The following MUC20 variants were observed in gnomAD, a reference collection of about 807,000 sequenced individuals.
MUC20 encodes the protein mucin 20, cell surface associated.
In MUC20, 14 loss-of-function variants were observed where a neutral mutation model predicts 23.8. That is an observed-to-expected ratio of 0.59 (90% CI 0.39 to 0.92). The LOEUF is 0.92. Ranked by LOEUF, MUC20 falls within the 40% of genes least tolerant of loss-of-function variation. MUC20 has a pLI of 0.00. For missense variants in MUC20, 375 were observed against 668.8 expected, an observed-to-expected ratio of 0.56 and a Z score of 4.85; for synonymous variants, 166 against 279.3, an observed-to-expected ratio of 0.59 and a Z score of 4.04.
At chr3:195,724,239 CT>C in intron 1 of MUC20, 1 of 84,306 alleles carries the variant, frequency 1.2e-5, no homozygotes. Flanking sequence ...CCTTTCTCGT[CT>C]TTTAAGGGTT....
chr3:195,726,120 C>G lies in MUC20; in HGVS notation c.1517C>G (p.Thr506Arg). 1 of 1,586,164 alleles carries G rather than the reference C, an allele frequency of 6.3e-7. No homozygotes were observed. The highest frequency in any genetic ancestry group is 8.6e-7 in the Non-Finnish European group (1 of 1,162,478). ...ACCCCACTCCCCACTAACAGCGCCA[C>G]AGAAAGAGAAGTGACAGCACCCGGG... ...VGTPLPTNSATEREVTAPGAT... is the reference protein window; with the variant it reads ...VGTPLPTNSAREREVTAPGAT... The change falls in exon 2 of 4, where the codon ACA (threonine) becomes AGA (arginine). Residue 506 changes from threonine to arginine, a missense_variant. By Grantham distance (71) the Thr-to-Arg change is moderately conservative. Around this residue, in one of 4 missense-constraint regions of MUC20, gnomAD observed 343 missense variants for 340.2 expected, o/e 1.01. Coordinates refer to ENST00000447234, the MANE Select transcript of MUC20 (RefSeq NM_001282506.2).
rs1712707056 is a variant in MUC20, at chr3:195,726,574, T to TG, written c.1969+2_1969+3insG. 6.2e-7 allele frequency: 1 copy of TG among 1,605,394 alleles called. No individual in the cohort carries two copies. The highest frequency in any genetic ancestry group is 1.7e-5 in the Admixed American group (1 of 59,458). ...GGCCGACCACAGACGTGAGTGCAGGTAAGTGGCTCCTGCTGGTGATCTTCG... is the reference window on the plus strand; with the variant it reads ...GGCCGACCACAGACGTGAGTGCAGGTGAAGTGGCTCCTGCTGGTGATCTTCG... On this transcript the variant is annotated splice_region_variant and intron_variant, in intron 2 of 3. Coordinates refer to ENST00000447234, the MANE Select transcript of MUC20 (RefSeq NM_001282506.2).
chr3:195,728,009 C>T (rs1464887128), intron 2 of MUC20, among the ~76,000 whole-genome samples: 2 of 152,290 alleles, frequency 1.3e-5, no homozygotes, highest in African/African-American at 4.8e-5. Flanking sequence ...ATGTTATCTC[C>T]TCTATTTAAC....
intron 2 of MUC20, among the ~76,000 whole-genome samples, chr3:195,727,730 G>A (rs763962815): frequency 3.3e-5 from 5 of 152,284 alleles, no homozygotes; most frequent in African/African-American, 9.6e-5. Context: ...CGTTCTCTCC[G>A]GTGCCAGGCA....
At chr3:195,732,122 A>G (rs920252639) in intron 3 of MUC20, among the ~76,000 whole-genome samples, 8 of 152,020 alleles carry the variant, frequency 5.3e-5, no homozygotes, top group African/African-American at 1.9e-4. Flanking sequence ...TCCTGCCTCA[A>G]CCTTCTGAGT....
chr3:195,733,396 A>T lies in MUC20; in HGVS notation c.*178A>T. 2 of 1,458,870 alleles carry T rather than the reference A, an allele frequency of 1.4e-6. No homozygotes were observed. The highest frequency in any genetic ancestry group is 2.8e-5 in the African/African-American group (2 of 71,068). 90.4% of individuals were successfully genotyped at this position (1,458,870 alleles called of 1,614,324 possible). A position where few individuals can be genotyped will look rare whatever the true frequency, so the allele number is the denominator to read the frequency against. ...AGATGTGGCAACAGGACCCTCGCTC[A>T]CATCCACCGGAGTGTATGTGTGGGG... On this transcript the variant is annotated 3_prime_UTR_variant, in exon 4 of 4. Transcript: ENST00000447234.
At chr3:195,727,313 T>C (rs145734839) in intron 2 of MUC20, among the ~76,000 whole-genome samples, 6,067 of 151,312 alleles carry the variant, frequency 0.04, 61 homozygotes, top group African/African-American at 0.14. Context: ...GGCAGGAGAA[T>C]CACTTGAACC....
At chr3:195,733,065 C>T (rs1713560546) in intron 3 of MUC20, 85 bp from the exon 4 acceptor site, 15 of 1,432,764 alleles carry the variant, frequency 1.0e-5, no homozygotes, top group Middle Eastern at 1.8e-4. Flanking sequence ...ATGCACTCTG[C>T]CCCAGTGTCC....
At chr3:195,722,155 A>G (rs1488849712) in intron 1 of MUC20, 1 of 605,768 alleles carries the variant, frequency 1.7e-6, no homozygotes. Context: ...TTGATGCATC[A>G]TTATCATACA....
intron 3 of MUC20, 51 bp downstream of exon 3, chr3:195,729,790 C>A: frequency 6.6e-7 from 1 of 1,508,440 alleles, no homozygotes; most frequent in Non-Finnish European, 9.0e-7. Context: ...GCGAGGTTCG[C>A]AGGGGCTGCA....
Position 195,733,418 on chromosome 3 carries a change from G to A in MUC20, c.*200G>A, listed in dbSNP as rs150193400. 16 of 1,437,906 alleles carry A rather than the reference G, an allele frequency of 1.1e-5. No individual in the cohort carries two copies. Among genetic ancestry groups the A allele is most frequent in the Admixed American group, 1.1e-4 (4 of 36,176 alleles). 89.1% of individuals were successfully genotyped at this position (1,437,906 alleles called of 1,614,324 possible). On this transcript the variant is annotated 3_prime_UTR_variant, in exon 4 of 4. Transcript: ENST00000447234. ...CTCACATCCACCGGAGTGTATGTGT[G>A]GGGAGGGGCTTCACCTGTTCCCAGA...
At chr3:195,731,380 G>A (rs1186366028) in intron 3 of MUC20, among the ~76,000 whole-genome samples, 3 of 152,252 alleles carry the variant, frequency 2.0e-5, no homozygotes, top group Non-Finnish European at 4.4e-5. Flanking sequence ...AGGGAAGCAA[G>A]ATATGTCCGT....
intron 3 of MUC20, among the ~76,000 whole-genome samples, chr3:195,730,789 C>A (rs762956497): frequency 2.0e-5 from 3 of 152,224 alleles, no homozygotes; most frequent in South Asian, 2.1e-4. Context: ...GCAGAAAAAA[C>A]CGCAGAGATG....
In MUC20 at chr3:195,733,412, A is replaced by G; in HGVS notation, c.*194A>G. 5 of 1,444,568 alleles carry G rather than the reference A, an allele frequency of 3.5e-6. No homozygotes were observed. Among genetic ancestry groups the G allele is most frequent in the Non-Finnish European group, 4.5e-6 (5 of 1,102,042 alleles). The allele number at this position is 1,444,568 out of a possible 1,614,324, so 89.5% of individuals were successfully genotyped here. On this transcript the variant is annotated 3_prime_UTR_variant, in exon 4 of 4. Coordinates refer to ENST00000447234, the MANE Select transcript of MUC20 (RefSeq NM_001282506.2). The stretch of plus-strand genomic sequence containing the variant: ...CCCTCGCTCACATCCACCGGAGTGT[A>G]TGTGTGGGGAGGGGCTTCACCTGTT...
intron 1 of MUC20, among the ~76,000 whole-genome samples, chr3:195,723,341 T>A (rs62285128): frequency 1.0e-5 from 1 of 95,856 alleles, no homozygotes; most frequent in Non-Finnish European, 2.1e-5. Context: ...CCAGTGGAGC[T>A]GGGTAAAGAC....
At chr3:195,732,864 C>G (rs774510106) in intron 3 of MUC20, among the ~76,000 whole-genome samples, 3 of 152,270 alleles carry the variant, frequency 2.0e-5, no homozygotes, top group Non-Finnish European at 4.4e-5. Flanking sequence ...CCAGCTAGAT[C>G]TGGGTGTGAA....
At chr3:195,730,630 A>G (rs1713295281) in intron 3 of MUC20, among the ~76,000 whole-genome samples, 1 of 152,116 alleles carries the variant, frequency 6.6e-6, no homozygotes, top group South Asian at 2.1e-4. Flanking sequence ...GATTACAGAC[A>G]TGAGCCACCG....
chr3:195,727,766 A>T (rs1257800043), intron 2 of MUC20, among the ~76,000 whole-genome samples: 1 of 152,074 alleles, frequency 6.6e-6, no homozygotes, highest in Non-Finnish European at 1.5e-5. Flanking sequence ...TGCATATGTT[A>T]TCTGATGCCA....
In MUC20 at chr3:195,729,811, G is replaced by A. The variant is rs376718558; in HGVS notation, c.2061+72G>A. 2.6e-5 allele frequency: 36 copies of A among 1,401,858 alleles called. No homozygotes were observed. In the Admixed American group the frequency reaches 3.0e-4, roughly 12 times the overall value. The allele number at this position is 1,401,858 out of a possible 1,614,324, so 86.8% of individuals were successfully genotyped here. A position where few individuals can be genotyped will look rare whatever the true frequency, so the allele number is the denominator to read the frequency against. ...TTCGCAGGGGCTGCAGGGAAGACCC[G>A]CAGGACACAGAAGAGCAGCTACCGC... On this transcript the variant is annotated intron_variant, in intron 3 of 3. Coordinates refer to ENST00000447234, the MANE Select transcript of MUC20 (RefSeq NM_001282506.2).
Sources: allele counts gnomAD v4.1 joint callset (sites outside exome capture counted in the v4.1 genomes callset), GRCh38; gene constraint gnomAD v4.1.1; regional missense constraint gnomAD v4.1.1; transcripts MANE v1.5; gene names NCBI Gene and HGNC (gene_info 2026-07-23, HGNC 2026-07-21).